Variants in ATF7IP observed in about 807,000 individuals in gnomAD.
ATF7IP encodes the protein activating transcription factor 7-interacting protein 1.
In ATF7IP, 23 loss-of-function variants were observed where a neutral mutation model predicts 106.4. That is an observed-to-expected ratio of 0.22 (90% CI 0.16 to 0.31). The LOEUF is 0.31. Ranked by LOEUF, ATF7IP falls within the 10% of genes least tolerant of loss-of-function variation. The pLI is 1.00. For synonymous variants in ATF7IP, 542 were observed against 539.0 expected (o/e 1.01, Z -0.08); for missense variants, 1,334 against 1,524.3 (o/e 0.88, Z 2.08).
intron 1 of ATF7IP, chr12:14,416,889 A>AT: frequency 2.0e-6 from 2 of 984,326 alleles, no homozygotes; most frequent in Non-Finnish European, 1.2e-6. Flanking sequence ...CTGTTGATAT[A>AT]TTTTTCCTGT....
chr12:14,475,850 C>G (rs751241199), intron 10 of ATF7IP, 40 bp from the exon 11 acceptor site: 15 of 1,541,098 alleles, frequency 9.7e-6, no homozygotes, highest in Admixed American at 3.6e-5. Flanking sequence ...GTATATCTGC[C>G]AGAGTTTTCT....
Position 14,460,804 on chromosome 12 carries a change from C to G in ATF7IP, c.2468C>G (p.Pro823Arg). The change falls in exon 9 of 15, where the codon CCT becomes CGT. Residue 823 changes from proline (P) to arginine (R), a missense_variant. By Grantham distance (103) the Pro-to-Arg change is moderately radical (BLOSUM62 -2). Transcript: ENST00000261168. Reference protein sequence around the residue: ...NVEFISVQSPPTVSGLTKNPV... With the variant: ...NVEFISVQSPRTVSGLTKNPV... Reference sequence around the variant, plus strand: ...GAATTCATTTCTGTGCAAAGCCCACCTACAGTGAGTGGTCTTACCAAAAAT... The same window carrying G: ...GAATTCATTTCTGTGCAAAGCCCACGTACAGTGAGTGGTCTTACCAAAAAT... 1 of 1,614,172 alleles carries G rather than the reference C, an allele frequency of 6.2e-7. No individual in the cohort carries two copies. Among genetic ancestry groups the G allele is most frequent in the African/African-American group, 1.3e-5 (1 of 75,050 alleles).
At chr12:14,447,629 A>T (rs57718398) in intron 6 of ATF7IP, among the ~76,000 whole-genome samples, 9,966 of 152,206 alleles carry the variant, frequency 0.065, 732 homozygotes, top group African/African-American at 0.18. Flanking sequence ...CATCTTTAAA[A>T]TTAGGCTTCA....
intron 13 of ATF7IP, among the ~76,000 whole-genome samples, chr12:14,491,147 A>G (rs945970427): frequency 2.6e-5 from 4 of 152,288 alleles, no homozygotes; most frequent in Non-Finnish European, 4.4e-5. Flanking sequence ...TCCAAGTGGC[A>G]GAACAGCTTG....
chr12:14,469,328 G>T (rs1010366657), intron 10 of ATF7IP, among the ~76,000 whole-genome samples: 3 of 138,902 alleles, frequency 2.2e-5, no homozygotes, highest in Non-Finnish European at 4.5e-5. Context: ...TAATGCCACT[G>T]CATTCCAGCC....
intron 1 of ATF7IP, among the ~76,000 whole-genome samples, chr12:14,378,985 A>G (rs1451719172): frequency 6.6e-6 from 1 of 152,222 alleles, no homozygotes; most frequent in Admixed American, 6.5e-5. Flanking sequence ...GTTGCTCACT[A>G]TATCTCGTAC....
At chr12:14,366,628 C>T (rs1463001259) in intron 1 of ATF7IP, among the ~76,000 whole-genome samples, 2 of 152,118 alleles carry the variant, frequency 1.3e-5, no homozygotes, top group Non-Finnish European at 1.5e-5. Flanking sequence ...TTGAATTTTA[C>T]ATGTTTTAAG....
chr12:14,407,958 A>G (rs1264595394), intron 1 of ATF7IP, among the ~76,000 whole-genome samples: 2 of 152,148 alleles, frequency 1.3e-5, no homozygotes, highest in Non-Finnish European at 2.9e-5. Context: ...AACAAATCTG[A>G]TTGACTCATA....
At chr12:14,415,163 G>A (rs1264067492) in intron 1 of ATF7IP, among the ~76,000 whole-genome samples, 1 of 152,174 alleles carries the variant, frequency 6.6e-6, no homozygotes, top group Non-Finnish European at 1.5e-5. Context: ...AGTTTGGCAA[G>A]CTAGTGAGTA....
rs1293266975 is a variant in ATF7IP at position 14,501,570 on chromosome 12, A to G, written c.*3497A>G. ...TTCTCTGGACTCATTTTTAAAAAATATGCCGAATACTGCATACTGTTTAAG... is the reference window on the plus strand; with the variant it reads ...TTCTCTGGACTCATTTTTAAAAAATGTGCCGAATACTGCATACTGTTTAAG... On this transcript the variant is annotated 3_prime_UTR_variant, in exon 15 of 15. Coordinates refer to ENST00000261168, the MANE Select transcript of ATF7IP (RefSeq NM_018179.5). The G allele has an allele frequency of 1.3e-5, 2 of 152,172 alleles. No individual in the cohort carries two copies. Among genetic ancestry groups the G allele is most frequent in the African/African-American group, 2.4e-5 (1 of 41,438 alleles). The allele number at this position is 152,172 out of a possible 1,614,324, so 9.4% of individuals were successfully genotyped here.
At chr12:14,476,471 TGTA>T (rs1944268213) in intron 11 of ATF7IP, 3 of 150,616 alleles carry the variant, frequency 2.0e-5, no homozygotes, top group African/African-American at 7.3e-5. Flanking sequence ...ATGAACAATG[TGTA>T]GAGGAAAACA....
intron 1 of ATF7IP, among the ~76,000 whole-genome samples, chr12:14,408,060 G>C (rs942872329): frequency 4.0e-5 from 6 of 151,792 alleles, no homozygotes; most frequent in African/African-American, 1.5e-4. Flanking sequence ...TGTGATTCAA[G>C]TGTTTTATGA....
chr12:14,455,448 A>T (rs1007933340), intron 6 of ATF7IP, among the ~76,000 whole-genome samples: 8 of 152,240 alleles, frequency 5.3e-5, no homozygotes, highest in African/African-American at 1.9e-4. Flanking sequence ...TATAAAAAGT[A>T]GCAAGATGTA....
At chr12:14,426,559 G>T (rs1355946605) in intron 2 of ATF7IP, among the ~76,000 whole-genome samples, 1 of 147,834 alleles carries the variant, frequency 6.8e-6, no homozygotes, top group Non-Finnish European at 1.5e-5. Flanking sequence ...AGGTAAGGTG[G>T]CTCACACCTA....
intron 4 of ATF7IP, 47 bp downstream of exon 4, chr12:14,436,298 C>T: frequency 6.7e-7 from 1 of 1,502,830 alleles, no homozygotes; most frequent in Non-Finnish European, 9.1e-7. Flanking sequence ...TAAATAGCAC[C>T]ACTATCTTCT....
chr12:14,460,664 C>T lies in ATF7IP; in HGVS notation c.2328C>T (p.Ile776=). ...CTAGTGGAAATCCCCAGCCTACAATCTCTTTACAGCCTTTGCCAGTGATTT... is the reference window on the plus strand; with the variant it reads ...CTAGTGGAAATCCCCAGCCTACAATTTCTTTACAGCCTTTGCCAGTGATTT... ...QVPSGNPQPT[I]SLQPLPVILH... Residue 776 remains isoleucine, a synonymous_variant, in exon 9 of 15, where the codon ATC becomes ATT. Transcript: ENST00000261168. The T allele has an allele frequency of 6.2e-7, 1 of 1,614,208 alleles. No individual in the cohort carries two copies.
At chr12:14,404,727 T>C (rs1940460520) in intron 1 of ATF7IP, among the ~76,000 whole-genome samples, 1 of 152,172 alleles carries the variant, frequency 6.6e-6, no homozygotes, top group East Asian at 1.9e-4. Context: ...TATTAAAAAA[T>C]GTACAACTTA....
chr12:14,487,139 C>A (rs1354665895), intron 13 of ATF7IP, among the ~76,000 whole-genome samples: 2 of 151,182 alleles, frequency 1.3e-5, no homozygotes, highest in Non-Finnish European at 2.9e-5. Flanking sequence ...TTTTTTAACT[C>A]CCTGAGCTGC....
intron 1 of ATF7IP, among the ~76,000 whole-genome samples, chr12:14,397,727 TATC>T (rs1939931943): frequency 6.6e-6 from 1 of 152,128 alleles, no homozygotes; most frequent in Non-Finnish European, 1.5e-5. Flanking sequence ...TAAATATCAA[TATC>T]TTTTATTTTT....
Sources: gnomAD v4.1 joint callset for allele counts (sites outside exome capture counted in the v4.1 genomes callset) on GRCh38, gnomAD v4.1.1 for gene constraint, MANE v1.5 for transcripts, NCBI Gene and HGNC (gene_info 2026-07-23, HGNC 2026-07-21) for gene names.